Variants in DYNC1I1 observed in about 807,000 individuals in gnomAD.
The protein encoded by DYNC1I1 is dynein cytoplasmic 1 intermediate chain 1.
DYNC1I1 carries 43 observed loss-of-function variants against 86.6 expected under a neutral mutation model. The observed-to-expected ratio is 0.50, with a 90% CI of 0.39 to 0.64. The LOEUF (loss-of-function observed/expected upper bound fraction) is 0.64. Among genes scored for constraint, DYNC1I1 ranks in the 30% least tolerant of loss-of-function variants. The pLI is 0.00. For synonymous variants in DYNC1I1, 262 were observed against 283.7 expected, an observed-to-expected ratio of 0.92 and a Z score of 0.77; for missense variants, 604 against 788.8, an observed-to-expected ratio of 0.77 and a Z score of 2.81.
chr7:95,957,596 A>G (rs891524468), intron 6 of DYNC1I1, among the ~76,000 whole-genome samples: 1 of 152,120 alleles, frequency 6.6e-6, no homozygotes, highest in Non-Finnish European at 1.5e-5. Flanking sequence ...TTCTGGCCCT[A>G]TAGACATGCA....
chr7:95,945,119 G>T (rs1171584945), intron 6 of DYNC1I1, among the ~76,000 whole-genome samples: 1 of 151,648 alleles, frequency 6.6e-6, no homozygotes, highest in Non-Finnish European at 1.5e-5. Context: ...ATGTTTTGAG[G>T]ATAGTGTGAT....
intron 6 of DYNC1I1, among the ~76,000 whole-genome samples, chr7:95,960,638 A>G (rs1198492592): frequency 6.6e-6 from 1 of 152,214 alleles, no homozygotes; most frequent in African/African-American, 2.4e-5. Context: ...GAGGTGTTTC[A>G]AGTATGTCAG....
At chr7:96,089,404 A>G (rs1790773984) in intron 16 of DYNC1I1, among the ~76,000 whole-genome samples, 1 of 152,200 alleles carries the variant, frequency 6.6e-6, no homozygotes. Context: ...TGAAAATTTG[A>G]GGAAAAATTA....
intron 12 of DYNC1I1, among the ~76,000 whole-genome samples, chr7:96,033,610 A>T (rs1584265705): frequency 6.6e-6 from 1 of 152,224 alleles, no homozygotes; most frequent in East Asian, 1.9e-4. Flanking sequence ...ACTGCAAAAC[A>T]ATATCTAGGA....
chr7:95,904,886 A>G (rs368505342), intron 6 of DYNC1I1, among the ~76,000 whole-genome samples: 2 of 152,156 alleles, frequency 1.3e-5, no homozygotes, highest in Admixed American at 1.3e-4. Context: ...TGATATTTCT[A>G]TATTGATTTT....
At chr7:95,943,860 T>A (rs1453734601) in intron 6 of DYNC1I1, among the ~76,000 whole-genome samples, 1 of 151,540 alleles carries the variant, frequency 6.6e-6, no homozygotes, top group Non-Finnish European at 1.5e-5. Context: ...TTACACCTTA[T>A]ACAAAAATTA....
chr7:95,869,320 A>G (rs922677319), intron 5 of DYNC1I1, among the ~76,000 whole-genome samples: 1 of 152,104 alleles, frequency 6.6e-6, no homozygotes, highest in African/African-American at 2.4e-5. Flanking sequence ...CCTTTCACTC[A>G]TCTGTGCTAT....
At chr7:95,922,281 A>T (rs1182619856) in intron 6 of DYNC1I1, among the ~76,000 whole-genome samples, 1 of 152,110 alleles carries the variant, frequency 6.6e-6, no homozygotes, top group East Asian at 1.9e-4. Context: ...ATTTGGAAAC[A>T]TATTTCAAAC....
intron 6 of DYNC1I1, among the ~76,000 whole-genome samples, chr7:95,976,189 A>G (rs772323640): frequency 6.6e-6 from 1 of 152,192 alleles, no homozygotes; most frequent in Non-Finnish European, 1.5e-5. Flanking sequence ...TTTCTTATAT[A>G]TGTATAATGT....
At chr7:95,800,140 C>T (rs1794543350) in intron 1 of DYNC1I1, among the ~76,000 whole-genome samples, 1 of 150,236 alleles carries the variant, frequency 6.7e-6, no homozygotes. Flanking sequence ...TGGAGATGAG[C>T]TGTAGTGACA....
intron 5 of DYNC1I1, among the ~76,000 whole-genome samples, chr7:95,869,046 A>G (rs1015359536): frequency 2.0e-5 from 3 of 152,222 alleles, no homozygotes; most frequent in African/African-American, 7.2e-5. Flanking sequence ...ACCAAGACTC[A>G]TAACCTTTCT....
intron 6 of DYNC1I1, among the ~76,000 whole-genome samples, chr7:95,973,486 A>G (rs943914163): frequency 8.5e-5 from 13 of 152,184 alleles, no homozygotes; most frequent in African/African-American, 3.1e-4. Flanking sequence ...GTTTCTCATT[A>G]TGGGACTTTG....
intron 5 of DYNC1I1, among the ~76,000 whole-genome samples, chr7:95,849,573 C>T (rs968591264): frequency 6.6e-6 from 1 of 152,002 alleles, no homozygotes; most frequent in African/African-American, 2.4e-5. Flanking sequence ...TTCCATTGGT[C>T]TGTATGTATG....
intron 16 of DYNC1I1, among the ~76,000 whole-genome samples, chr7:96,084,216 T>A (rs1181910639): frequency 6.6e-6 from 1 of 151,834 alleles, no homozygotes; most frequent in Non-Finnish European, 1.5e-5. Context: ...GTTAAAAATT[T>A]GTCAGGAAGG....
At chr7:95,953,539 A>G (rs1562954533) in intron 6 of DYNC1I1, among the ~76,000 whole-genome samples, 1 of 152,222 alleles carries the variant, frequency 6.6e-6, no homozygotes, top group Non-Finnish European at 1.5e-5. Context: ...AACAATTTTC[A>G]CTGTAGGTAT....
intron 10 of DYNC1I1, among the ~76,000 whole-genome samples, chr7:96,006,630 G>A (rs1229711897): frequency 6.6e-6 from 1 of 152,138 alleles, no homozygotes; most frequent in Non-Finnish European, 1.5e-5. Context: ...GGACAACATG[G>A]ACAGAGAAGG....
chr7:96,078,250 A>C (rs1790402433), intron 15 of DYNC1I1, among the ~76,000 whole-genome samples: 1 of 152,172 alleles, frequency 6.6e-6, no homozygotes, highest in Non-Finnish European at 1.5e-5. Context: ...CTACTGCTTA[A>C]TGTAATAATT....
At chr7:96,088,662 T>C (rs953019958) in intron 16 of DYNC1I1, among the ~76,000 whole-genome samples, 2 of 152,296 alleles carry the variant, frequency 1.3e-5, no homozygotes, top group East Asian at 1.9e-4. Context: ...AACCCGGGCC[T>C]GTACAGAATG....
At chr7:95,887,807 C>T (rs142064947) in intron 6 of DYNC1I1, among the ~76,000 whole-genome samples, 307 of 152,256 alleles carry the variant, frequency 2.0e-3, no homozygotes, top group South Asian at 2.3e-3. Flanking sequence ...GCAAGCCCCC[C>T]GGTATTGTAT....
Sources: gnomAD v4.1 joint callset for allele counts (sites outside exome capture counted in the v4.1 genomes callset) on GRCh38, gnomAD v4.1.1 for gene constraint, MANE v1.5 for transcripts, NCBI Gene and HGNC (gene_info 2026-07-23, HGNC 2026-07-21) for gene names.